CCSER1: variants seen among roughly 807,000 people sequenced by gnomAD.
CCSER1 encodes serine-rich coiled-coil domain-containing protein 1.
Under a neutral mutation model 82.0 loss-of-function variants are expected in CCSER1, and 41 were observed. The observed-to-expected ratio is 0.50, with a 90% CI of 0.39 to 0.65. The LOEUF (loss-of-function observed/expected upper bound fraction) is 0.65. Among genes scored for constraint, CCSER1 ranks in the 30% least tolerant of loss-of-function variants. The pLI, the probability that CCSER1 is intolerant of heterozygous loss-of-function variation, is 0.00. For synonymous variants in CCSER1, 414 were observed against 383.9 expected (o/e 1.08, Z -0.92); for missense variants, 1,119 against 1,064.2 (o/e 1.05, Z -0.72).
chr4:91,078,556 G>T (rs778495439), intron 9 of CCSER1, among the ~76,000 whole-genome samples: 1 of 152,210 alleles, frequency 6.6e-6, no homozygotes, highest in Non-Finnish European at 1.5e-5. Flanking sequence ...GCCAGCAATG[G>T]AACAAAGCTG....
chr4:90,276,249 T>TCTTTCTTC (rs1727653230), intron 1 of CCSER1, among the ~76,000 whole-genome samples: 2 of 107,010 alleles, frequency 1.9e-5, no homozygotes, highest in East Asian at 2.7e-4. Flanking sequence ...TTTCTTTCTT[T>TCTTTCTTC]CTTTCCTTCC....
chr4:90,684,767 C>T (rs1290226161), intron 6 of CCSER1, among the ~76,000 whole-genome samples: 1 of 151,976 alleles, frequency 6.6e-6, no homozygotes, highest in African/African-American at 2.4e-5. Flanking sequence ...AGATATTTCC[C>T]ACACTGTTCT....
chr4:91,087,260 C>T (rs1325405753), intron 10 of CCSER1, among the ~76,000 whole-genome samples: 2 of 152,096 alleles, frequency 1.3e-5, no homozygotes, highest in African/African-American at 4.8e-5. Flanking sequence ...CTTCTCCTTG[C>T]TGCTTCCTGG....
chr4:90,211,719 T>C (rs1449873025), intron 1 of CCSER1, among the ~76,000 whole-genome samples: 2 of 152,224 alleles, frequency 1.3e-5, no homozygotes, highest in African/African-American at 4.8e-5. Flanking sequence ...TAGTGAATAA[T>C]ATTAGTTGTA....
intron 10 of CCSER1, among the ~76,000 whole-genome samples, chr4:91,477,195 G>A (rs1273568573): frequency 6.6e-6 from 1 of 151,650 alleles, no homozygotes; most frequent in Non-Finnish European, 1.5e-5. Context: ...ACCCAGAATA[G>A]ATAAGGAACT....
chr4:91,099,504 C>G (rs1724840899), intron 10 of CCSER1, among the ~76,000 whole-genome samples: 1 of 152,220 alleles, frequency 6.6e-6, no homozygotes, highest in South Asian at 2.1e-4. Flanking sequence ...CATGAGTGAC[C>G]ATGGTCCATG....
intron 7 of CCSER1, among the ~76,000 whole-genome samples, chr4:90,785,185 T>A (rs1754307643): frequency 6.6e-6 from 1 of 152,126 alleles, no homozygotes. Context: ...TGCAGGGATG[T>A]ACCACCATGC....
At chr4:91,187,094 C>A (rs1734614257) in intron 10 of CCSER1, among the ~76,000 whole-genome samples, 2 of 152,220 alleles carry the variant, frequency 1.3e-5, no homozygotes, top group African/African-American at 2.4e-5. Context: ...AATTCTCTGA[C>A]CCCTTGTGCT....
rs542774200 is a variant in CCSER1 at position 90,343,441 on chromosome 4, A to G, written c.1509+30394A>G. Reference sequence around the variant, plus strand: ...AGACCAGCCTGGCCGACACGGTGAAACCCCGTCTCTACTGAAAATACAAAA... The same window carrying G: ...AGACCAGCCTGGCCGACACGGTGAAGCCCCGTCTCTACTGAAAATACAAAA... On this transcript the variant is annotated intron_variant, in intron 3 of 10. Coordinates refer to ENST00000509176, the MANE Select transcript of CCSER1 (RefSeq NM_001145065.2). 5.3e-5 allele frequency among the ~76,000 whole-genome samples: 8 copies of G among 151,994 alleles called. No homozygotes were observed. In the South Asian group the frequency reaches 1.7e-3, roughly 32 times the overall value.
intron 10 of CCSER1, among the ~76,000 whole-genome samples, chr4:91,099,544 A>G (rs991937635): frequency 6.6e-6 from 1 of 152,194 alleles, no homozygotes; most frequent in African/African-American, 2.4e-5. Flanking sequence ...CTGAGAACAC[A>G]TGTCCAAGGT....
chr4:91,492,544 T>C (rs1164219381), intron 10 of CCSER1, among the ~76,000 whole-genome samples: 2 of 152,106 alleles, frequency 1.3e-5, no homozygotes, highest in African/African-American at 2.4e-5. Context: ...GTCAGAGACC[T>C]ATGTGTTTTG....
intron 10 of CCSER1, among the ~76,000 whole-genome samples, chr4:91,343,946 T>TA (rs1310079132): frequency 6.6e-6 from 1 of 152,134 alleles, no homozygotes; most frequent in African/African-American, 2.4e-5. Flanking sequence ...AAATAATAGG[T>TA]AGTACACTGA....
intron 10 of CCSER1, among the ~76,000 whole-genome samples, chr4:91,566,704 T>C (rs1478251395): frequency 6.6e-6 from 1 of 152,040 alleles, no homozygotes; most frequent in Non-Finnish European, 1.5e-5. Context: ...TTCTGATGGT[T>C]GTTTTTATTT....
intron 4 of CCSER1, among the ~76,000 whole-genome samples, chr4:90,465,810 A>G (rs11735785): frequency 0.11 from 17,054 of 152,150 alleles, 1,379 homozygotes; most frequent in East Asian, 0.37. Context: ...ACTTTATACA[A>G]TTACTCACAG....
chr4:90,877,868 T>C (rs1009718677), intron 8 of CCSER1, among the ~76,000 whole-genome samples: 1 of 152,114 alleles, frequency 6.6e-6, no homozygotes, highest in Non-Finnish European at 1.5e-5. Context: ...TCTTTAGCTA[T>C]TTTAGTCCCT....
At chr4:90,409,780 A>T (rs1408046500) in intron 4 of CCSER1, among the ~76,000 whole-genome samples, 1 of 152,200 alleles carries the variant, frequency 6.6e-6, no homozygotes, top group African/African-American at 2.4e-5. Context: ...ACACATAACA[A>T]TACTAACCTT....
intron 10 of CCSER1, among the ~76,000 whole-genome samples, chr4:91,594,358 CATAT>C (rs528035200): frequency 2.7e-5 from 4 of 146,946 alleles, no homozygotes; most frequent in East Asian, 3.9e-4. Context: ...TATATATACA[CATAT>C]ATATACACAT....
At chr4:90,302,718 G>A (rs181260920) in intron 1 of CCSER1, among the ~76,000 whole-genome samples, 1 of 152,126 alleles carries the variant, frequency 6.6e-6, no homozygotes, top group African/African-American at 2.4e-5. Flanking sequence ...TAGAAGGATG[G>A]CTTGAGCCCA....
chr4:90,461,552 T>G (rs1223106435), intron 4 of CCSER1, among the ~76,000 whole-genome samples: 1 of 152,192 alleles, frequency 6.6e-6, no homozygotes, highest in Non-Finnish European at 1.5e-5. Context: ...GTCTTGTGTC[T>G]TGTCTAGGCC....
Sources: allele counts gnomAD v4.1 joint callset (sites outside exome capture counted in the v4.1 genomes callset), GRCh38; gene constraint gnomAD v4.1.1; transcripts MANE v1.5; gene names NCBI Gene and HGNC (gene_info 2026-07-23, HGNC 2026-07-21).